TSPAN5: variants seen among roughly 807,000 people sequenced by gnomAD.
TSPAN5 encodes the protein tetraspanin 5, also known as tetraspanin-5.
In TSPAN5, 10 loss-of-function variants were observed where a neutral mutation model predicts 37.1. The ratio of observed to expected loss-of-function variants is 0.27; its 90% confidence interval spans 0.17 to 0.46. The LOEUF is 0.46. Ranked by LOEUF, TSPAN5 falls within the 20% of genes least tolerant of loss-of-function variation. The pLI is 1.00. For synonymous variants in TSPAN5, 110 were observed against 118.9 expected, an observed-to-expected ratio of 0.93 and a Z score of 0.48; for missense variants, 195 against 326.6, an observed-to-expected ratio of 0.60 and a Z score of 3.11.
intron 1 of TSPAN5, among the ~76,000 whole-genome samples, chr4:98,620,165 G>A (rs575022023): frequency 2.7e-4 from 26 of 97,626 alleles, no homozygotes; most frequent in African/African-American, 1.6e-3. Context: ...TGGAAATGAC[G>A]CTATGTAACA....
intron 1 of TSPAN5, among the ~76,000 whole-genome samples, chr4:98,537,387 C>T (rs551329538): frequency 6.6e-6 from 1 of 152,302 alleles, no homozygotes; most frequent in Admixed American, 6.5e-5. Context: ...AATCACCCGC[C>T]TTCTGAGTCG....
At position 98,476,535 on chromosome 4, in the gene TSPAN5, TTC is replaced by T; in HGVS notation, c.577-77_577-76del. ...GCCCACCTAGAAATGAGCAGAAGACTTCTGTTACGCATTAGTAATAAAATGTG... is the reference window on the plus strand; with the variant it reads ...GCCCACCTAGAAATGAGCAGAAGACTTGTTACGCATTAGTAATAAAATGTG... On this transcript the variant is annotated intron_variant, in intron 5 of 7. Coordinates refer to ENST00000305798, the MANE Select transcript of TSPAN5 (RefSeq NM_005723.4). 4 of 1,400,514 alleles carry T rather than the reference TTC, an allele frequency of 2.9e-6. No individual in the cohort carries two copies. The South Asian group carries it at 4.7e-5, about 16-fold the overall frequency. 86.8% of individuals were successfully genotyped at this position (1,400,514 alleles called of 1,614,324 possible).
At chr4:98,565,594 C>T (rs762752736) in intron 1 of TSPAN5, among the ~76,000 whole-genome samples, 54 of 152,182 alleles carry the variant, frequency 3.5e-4, no homozygotes, top group Admixed American at 1.7e-3. Context: ...GTGACACCAC[C>T]TACATACATC....
chr4:98,521,093 G>T (rs1388236172), intron 1 of TSPAN5, among the ~76,000 whole-genome samples: 1 of 152,104 alleles, frequency 6.6e-6, no homozygotes, highest in Non-Finnish European at 1.5e-5. Flanking sequence ...CACCACGCCT[G>T]GCTAATTTTT....
chr4:98,609,352 C>T (rs1032186528), intron 1 of TSPAN5, among the ~76,000 whole-genome samples: 3 of 152,170 alleles, frequency 2.0e-5, no homozygotes, highest in African/African-American at 7.2e-5. Context: ...CACCCAACCC[C>T]GACCACTGGC....
At chr4:98,572,003 C>T (rs1249568430) in intron 1 of TSPAN5, among the ~76,000 whole-genome samples, 2 of 152,048 alleles carry the variant, frequency 1.3e-5, no homozygotes, top group South Asian at 2.1e-4. Context: ...GACACAGTCT[C>T]AACTCTGTCA....
chr4:98,529,207 C>A (rs939992826), intron 1 of TSPAN5, among the ~76,000 whole-genome samples: 18 of 152,192 alleles, frequency 1.2e-4, no homozygotes. Context: ...TGTGGTTGAC[C>A]ACATGATCCC....
At chr4:98,598,100 G>A (rs1439325856) in intron 1 of TSPAN5, among the ~76,000 whole-genome samples, 1 of 102,124 alleles carries the variant, frequency 9.8e-6, no homozygotes, top group Admixed American at 9.6e-5. Context: ...TTTCGTGGGC[G>A]TAGGACCCTC....
At chr4:98,608,862 C>T (rs998489729) in intron 1 of TSPAN5, among the ~76,000 whole-genome samples, 14 of 152,120 alleles carry the variant, frequency 9.2e-5, no homozygotes, top group Non-Finnish European at 1.8e-4. Context: ...GAGAGATGTT[C>T]GTTTCTTCTT....
chr4:98,601,851 T>G, intron 1 of TSPAN5, among the ~76,000 whole-genome samples: 1 of 152,194 alleles, frequency 6.6e-6, no homozygotes, highest in Non-Finnish European at 1.5e-5. Context: ...TGATTTAAAG[T>G]GAGAGACATG....
chr4:98,531,362 T>G (rs1472055070), intron 1 of TSPAN5, among the ~76,000 whole-genome samples: 1 of 152,202 alleles, frequency 6.6e-6, no homozygotes, highest in Non-Finnish European at 1.5e-5. Flanking sequence ...GAAAGAGGAT[T>G]TCCAGCTTCA....
At chr4:98,631,884 G>C (rs138337203) in intron 1 of TSPAN5, among the ~76,000 whole-genome samples, 1 of 152,080 alleles carries the variant, frequency 6.6e-6, no homozygotes, top group Non-Finnish European at 1.5e-5. Context: ...AAGATCTTAG[G>C]CCACTTTTTA....
At chr4:98,522,159 G>A (rs750285579) in intron 1 of TSPAN5, among the ~76,000 whole-genome samples, 4 of 152,160 alleles carry the variant, frequency 2.6e-5, no homozygotes, top group Admixed American at 6.5e-5. Flanking sequence ...ACACGCTCCC[G>A]TGGCCTATGT....
rs112203627 is a variant in TSPAN5 at position 98,610,349 on chromosome 4, T to C, written c.81+47797A>G. Among the ~76,000 whole-genome samples the C allele has an allele frequency of 1.4e-3, 215 of 152,322 alleles. 1 individual carries two copies. Among genetic ancestry groups the C allele is most frequent in the African/African-American group, 4.5e-3 (188 of 41,574 alleles). ...ATTAGGCTCCACCTCCCATCACGGT[T>C]ACACTGGGGACTAAGTTTCCAATAT... On this transcript the variant is annotated intron_variant, in intron 1 of 7. Transcript: ENST00000305798.
At chr4:98,542,620 G>A (rs1206078261) in intron 1 of TSPAN5, among the ~76,000 whole-genome samples, 1 of 151,034 alleles carries the variant, frequency 6.6e-6, no homozygotes, top group African/African-American at 2.4e-5. Context: ...TCAGAAGACT[G>A]AGGCAGGAGG....
At chr4:98,538,018 C>T (rs1754276214) in intron 1 of TSPAN5, among the ~76,000 whole-genome samples, 4 of 152,218 alleles carry the variant, frequency 2.6e-5, no homozygotes, top group Admixed American at 1.3e-4. Context: ...TCTGTGATCA[C>T]GGCCTGGGGA....
chr4:98,487,515 A>C (rs1010823778), intron 2 of TSPAN5, among the ~76,000 whole-genome samples: 7 of 152,138 alleles, frequency 4.6e-5, no homozygotes, highest in African/African-American at 1.7e-4. Flanking sequence ...ATCGAGCTAG[A>C]AGCTGAAAAC....
At chr4:98,598,391 C>A (rs368032446) in intron 1 of TSPAN5, among the ~76,000 whole-genome samples, 1 of 150,752 alleles carries the variant, frequency 6.6e-6, no homozygotes, top group Non-Finnish European at 1.5e-5. Context: ...AGAAATCACC[C>A]GTCTTCTGCG....
At chr4:98,641,164 T>C (rs546516742) in intron 1 of TSPAN5, among the ~76,000 whole-genome samples, 2 of 152,320 alleles carry the variant, frequency 1.3e-5, no homozygotes, top group Admixed American at 6.5e-5. Context: ...CCTCTTTTTA[T>C]ATAATCTCCT....
Sources: allele counts gnomAD v4.1 joint callset (sites outside exome capture counted in the v4.1 genomes callset), GRCh38; gene constraint gnomAD v4.1.1; transcripts MANE v1.5; gene names NCBI Gene and HGNC (gene_info 2026-07-23, HGNC 2026-07-21).